Variants in SYNDIG1 observed in about 807,000 individuals in gnomAD.
The protein encoded by SYNDIG1 is synapse differentiation inducing 1.
In SYNDIG1, 9 loss-of-function variants were observed where a neutral mutation model predicts 19.4. The ratio of observed to expected loss-of-function variants is 0.46; its 90% CI spans 0.28 to 0.81. SYNDIG1 has a LOEUF of 0.81. Among genes scored for constraint, SYNDIG1 ranks in the 30% least tolerant of loss-of-function variants. The probability of loss-of-function intolerance (pLI) is 0.12; values close to 1 mark genes in which losing one functional copy is unlikely to be tolerated. For synonymous variants in SYNDIG1, 141 were observed against 145.9 expected, an observed-to-expected ratio of 0.97 and a Z score of 0.24; for missense variants, 311 against 343.3, an observed-to-expected ratio of 0.91 and a Z score of 0.74.
chr20:24,619,475 C>G (rs2059003602), intron 3 of SYNDIG1, among the ~76,000 whole-genome samples: 1 of 152,184 alleles, frequency 6.6e-6, no homozygotes, highest in African/African-American at 2.4e-5. Context: ...TTTCACTTCT[C>G]AATATTTGCA....
intron 3 of SYNDIG1, among the ~76,000 whole-genome samples, chr20:24,634,164 T>C (rs555696318): frequency 6.6e-6 from 1 of 152,268 alleles, no homozygotes; most frequent in East Asian, 1.9e-4. Flanking sequence ...TTTATCAATG[T>C]GTGTGTGGGC....
chr20:24,485,399 G>A lies in SYNDIG1; in HGVS notation c.-79+15646G>A, dbSNP rs959859908. ...ATTAGATGGATGCATTTGTCATTACGTAAGGAAATTATAGGTCTTTGGAAT... is the reference window on the plus strand; with the variant it reads ...ATTAGATGGATGCATTTGTCATTACATAAGGAAATTATAGGTCTTTGGAAT... On this transcript the variant is annotated intron_variant, in intron 1 of 3. Transcript: ENST00000376862. 9.9e-5 allele frequency among the ~76,000 whole-genome samples: 15 copies of A among 152,254 alleles called. 1 individual carries two copies. In the East Asian group the frequency reaches 1.9e-3, roughly 20 times the overall value.
chr20:24,598,579 A>G (rs2058631378), intron 3 of SYNDIG1, among the ~76,000 whole-genome samples: 1 of 152,238 alleles, frequency 6.6e-6, no homozygotes, highest in East Asian at 1.9e-4. Context: ...TGGGGCCCAC[A>G]GTGGGTGAAA....
At chr20:24,544,036 G>C (rs1041060129) in intron 2 of SYNDIG1, among the ~76,000 whole-genome samples, 2 of 152,230 alleles carry the variant, frequency 1.3e-5, no homozygotes, top group African/African-American at 2.4e-5. Flanking sequence ...ACTACTGAGA[G>C]ATTGTTGATA....
chr20:24,518,485 C>T (rs1353756113), intron 1 of SYNDIG1, among the ~76,000 whole-genome samples: 4 of 152,180 alleles, frequency 2.6e-5, no homozygotes, highest in Non-Finnish European at 5.9e-5. Flanking sequence ...TGGGCATTAT[C>T]CTTGTCCCGT....
chr20:24,496,125 G>A (rs1037885054), intron 1 of SYNDIG1, among the ~76,000 whole-genome samples: 7 of 152,296 alleles, frequency 4.6e-5, no homozygotes, highest in Non-Finnish European at 7.3e-5. Context: ...GATTGCAAGC[G>A]TGAGCCACCA....
chr20:24,535,086 C>T (rs1231445150), intron 1 of SYNDIG1, among the ~76,000 whole-genome samples: 1 of 152,170 alleles, frequency 6.6e-6, no homozygotes, highest in Non-Finnish European at 1.5e-5. Flanking sequence ...CATGCAGAGC[C>T]ATAAGAAAAC....
At chr20:24,542,385 A>G (rs1347359680) in intron 1 of SYNDIG1, among the ~76,000 whole-genome samples, 1 of 152,220 alleles carries the variant, frequency 6.6e-6, no homozygotes, top group Non-Finnish European at 1.5e-5. Context: ...CTGATTTAGT[A>G]GGTGCAGGTG....
intron 1 of SYNDIG1, among the ~76,000 whole-genome samples, chr20:24,513,879 G>C (rs2056804382): frequency 6.6e-6 from 1 of 152,162 alleles, no homozygotes; most frequent in Admixed American, 6.5e-5. Flanking sequence ...CAGAGAGAAA[G>C]GTCGGGTTAC....
At chr20:24,493,172 G>C (rs2056202566) in intron 1 of SYNDIG1, among the ~76,000 whole-genome samples, 1 of 152,208 alleles carries the variant, frequency 6.6e-6, no homozygotes. Context: ...AATGACACTT[G>C]ATCATTTTTC....
intron 3 of SYNDIG1, among the ~76,000 whole-genome samples, chr20:24,617,200 C>T (rs1199391128): frequency 1.3e-5 from 2 of 152,148 alleles, no homozygotes; most frequent in Non-Finnish European, 2.9e-5. Flanking sequence ...TGCACCCCAT[C>T]GCATGACTCT....
At chr20:24,476,933 T>C (rs2055645080) in intron 1 of SYNDIG1, among the ~76,000 whole-genome samples, 1 of 151,834 alleles carries the variant, frequency 6.6e-6, no homozygotes, top group Non-Finnish European at 1.5e-5. Context: ...GTAACATTCA[T>C]TGGTACACTT....
intron 2 of SYNDIG1, among the ~76,000 whole-genome samples, chr20:24,544,491 A>G (rs1001849334): frequency 6.6e-6 from 1 of 152,176 alleles, no homozygotes; most frequent in Admixed American, 6.5e-5. Flanking sequence ...TCACTAAGGT[A>G]GGCGAGAACA....
At chr20:24,510,346 A>G (rs1347168227) in intron 1 of SYNDIG1, among the ~76,000 whole-genome samples, 1 of 151,880 alleles carries the variant, frequency 6.6e-6, no homozygotes, top group Non-Finnish European at 1.5e-5. Flanking sequence ...AGGCGGGCAG[A>G]TCACCTGAGG....
chr20:24,579,187 G>A (rs116093971), intron 2 of SYNDIG1, among the ~76,000 whole-genome samples: 5,094 of 152,304 alleles, frequency 0.033, 246 homozygotes, highest in African/African-American at 0.11. Flanking sequence ...CGGGTGCTCC[G>A]TCAGTGGTCA....
At chr20:24,647,039 G>C (rs141482803) in intron 3 of SYNDIG1, among the ~76,000 whole-genome samples, 2 of 152,270 alleles carry the variant, frequency 1.3e-5, no homozygotes, top group Non-Finnish European at 2.9e-5. Flanking sequence ...CTAAGACAGC[G>C]ACCCTCACGT....
chr20:24,573,921 C>T lies in SYNDIG1; in HGVS notation c.481-10935C>T, dbSNP rs887440178. ...CAGGTGTTACCCTTGCCTGAGACAC[C>T]CCTGGGCCTGAACTTTCTCTGGAGA... On this transcript the variant is annotated intron_variant, in intron 2 of 3. Transcript: ENST00000376862. Among the ~76,000 whole-genome samples the T allele has an allele frequency of 3.4e-4, 52 of 152,266 alleles. 1 individual carries two copies. The highest frequency in any genetic ancestry group is 1.2e-3 in the African/African-American group (51 of 41,562).
intron 1 of SYNDIG1, among the ~76,000 whole-genome samples, chr20:24,470,987 G>A (rs2055425630): frequency 1.3e-5 from 2 of 152,032 alleles, no homozygotes; most frequent in Non-Finnish European, 2.9e-5. Context: ...GGGGCTGGGC[G>A]TTACACAGTG....
chr20:24,493,387 CACAG>C (rs2056210013), intron 1 of SYNDIG1, among the ~76,000 whole-genome samples: 1 of 152,126 alleles, frequency 6.6e-6, no homozygotes, highest in Non-Finnish European at 1.5e-5. Flanking sequence ...TGTGGACACA[CACAG>C]ACATGCACGG....
Sources: gnomAD v4.1 joint callset for allele counts (sites outside exome capture counted in the v4.1 genomes callset) on GRCh38, gnomAD v4.1.1 for gene constraint, MANE v1.5 for transcripts, NCBI Gene and HGNC (gene_info 2026-07-23, HGNC 2026-07-21) for gene names.